The following FANCD2OS variants were observed in gnomAD, a reference collection of about 807,000 sequenced individuals.
The protein encoded by FANCD2OS is FANCD2 opposite strand, also known as FANCD2 opposite strand protein.
FANCD2OS carries 11 observed loss-of-function variants against 13.2 expected under a neutral mutation model. That is an observed-to-expected ratio of 0.83 (90% CI 0.52 to 1.38). The LOEUF is 1.38. FANCD2OS is among the 40% of genes most tolerant of loss of function. The pLI is 0.00. For synonymous variants in FANCD2OS, 69 were observed against 84.5 expected (o/e 0.82, Z 1.01); for missense variants, 217 against 213.9 (o/e 1.01, Z -0.09).
intron 2 of FANCD2OS, chr3:10,087,028 A>T: frequency 8.4e-7 from 1 of 1,190,072 alleles, no homozygotes; most frequent in South Asian, 1.2e-5. Context: ...GATTCTGATT[A>T]GGCCGTCAAA....
chr3:10,100,413 G>A (rs950446846), downstream of FANCD2OS, among the ~76,000 whole-genome samples: 13 of 152,186 alleles, frequency 8.5e-5, no homozygotes, highest in Admixed American at 3.3e-4. Flanking sequence ...TCCCTCTGTC[G>A]CCCAGGCTAG....
At chr3:10,086,329 A>G (rs1368338649) in intron 2 of FANCD2OS, among the ~76,000 whole-genome samples, 1 of 152,222 alleles carries the variant, frequency 6.6e-6, no homozygotes, top group South Asian at 2.1e-4. Flanking sequence ...AGGGGTAGGC[A>G]GTGGACAAGG....
intron 1 of FANCD2OS, among the ~76,000 whole-genome samples, chr3:10,105,770 AATTATAT>A (rs1464239737): frequency 6.6e-5 from 2 of 30,364 alleles, no homozygotes; most frequent in African/African-American, 8.8e-4. Context: ...AAAAAAAAAA[AATTATAT>A]ATATATATAT....
chr3:10,101,591 G>A (rs1176041105), downstream of FANCD2OS: 63 of 370,568 alleles, frequency 1.7e-4, 1 homozygote, highest in South Asian at 1.7e-3. Context: ...TTACCATGTC[G>A]GCCAGATGGT....
chr3:10,100,898 C>T (rs761607026), downstream of FANCD2OS, among the ~76,000 whole-genome samples: 45 of 151,854 alleles, frequency 3.0e-4, no homozygotes, highest in Admixed American at 5.3e-4. Context: ...GGAGAAACCC[C>T]GTCTCTACCA....
rs1360625053 is a variant in FANCD2OS, at chr3:10,095,082, A to G, written c.*43+9116T>C. 6.1e-6 allele frequency: 5 copies of G among 815,918 alleles called. No homozygotes were observed. In the Admixed American group the frequency reaches 1.0e-4, roughly 16 times the overall value. The allele number at this position is 815,918 out of a possible 1,614,324, so 50.5% of individuals were successfully genotyped here. A position where few individuals can be genotyped will look rare whatever the true frequency, so the allele number is the denominator to read the frequency against. ...TGAGAGGCAAATTAAGATGATTATC[A>G]GCATAGGCTGGAAACTGCAGAGTTT... On this transcript the variant is annotated intron_variant, in intron 2 of 2. Transcript: ENST00000524279.
At chr3:10,090,429 C>A (rs2125081770) in intron 2 of FANCD2OS, 251 of 647,724 alleles carry the variant, frequency 3.9e-4, no homozygotes, top group Non-Finnish European at 5.9e-4. Flanking sequence ...CTTTGGATTA[C>A]TTGGAAGTTG....
chr3:10,081,379 G>C, exon 3 of FANCD2OS: 1 of 1,614,074 alleles, frequency 6.2e-7, no homozygotes, highest in Non-Finnish European at 8.5e-7. Context: ...TGTAGTTGAT[G>C]GACCAGGAGT....
At chr3:10,101,377 CTTTTTTTTTTTTTTTTT>C (rs950337384), downstream of FANCD2OS, 20 of 388,516 alleles carry the variant, frequency 5.1e-5, 2 homozygotes, top group African/African-American at 4.7e-4. Flanking sequence ...TTTTGTTCCT[CTTTTTTTTTTTTTTTTT>C]TTTTTTTTAA....
At position 10,105,764 on chromosome 3, in the gene FANCD2OS, AAAAAAAATTATATATATATATAT is replaced by A. The variant is rs1405300933; in HGVS notation, c.-8-1005_-8-983del. Among the ~76,000 whole-genome samples the A allele has an allele frequency of 6.4e-4, 43 of 67,088 alleles. 3 individuals are homozygous for A. The highest frequency in any genetic ancestry group is 2.7e-3 in the African/African-American group (26 of 9,576). 44.0% of individuals were successfully genotyped at this position (67,088 alleles called of 152,430 possible). A position where few individuals can be genotyped will look rare whatever the true frequency, so the allele number is the denominator to read the frequency against. ...AGACTCCATCTAAAAAAAAAAAAAA[AAAAAAAATTATATATATATATAT>A]ATATATATATATATATATATATATA... On this transcript the variant is annotated intron_variant, in intron 1 of 1. Coordinates refer to ENST00000450660, the MANE Select transcript of FANCD2OS (RefSeq NM_001164839.2).
intron 2 of FANCD2OS, chr3:10,087,056 G>A (rs1432137048): frequency 1.3e-6 from 2 of 1,508,758 alleles, no homozygotes; most frequent in Non-Finnish European, 1.8e-6. Flanking sequence ...AGGGACTTGG[G>A]CACGTCATGT....
chr3:10,105,606 C>T (rs140024961), intron 1 of FANCD2OS, among the ~76,000 whole-genome samples: 3 of 150,848 alleles, frequency 2.0e-5, no homozygotes, highest in Non-Finnish European at 4.4e-5. Context: ...AAAAATTAGC[C>T]GGGCGTGGTG....
At chr3:10,108,349 G>C (rs1408792801), upstream of FANCD2OS, 2 of 152,272 alleles carry the variant, frequency 1.3e-5, no homozygotes, top group African/African-American at 4.8e-5. Context: ...AGCCGCGGCG[G>C]GGATGGGGGC....
chr3:10,082,299 A>C (rs1029479799), intron 2 of FANCD2OS, among the ~76,000 whole-genome samples: 1 of 152,132 alleles, frequency 6.6e-6, no homozygotes, highest in African/African-American at 2.4e-5. Flanking sequence ...TAACATCTAG[A>C]TAGCCATCTG....
At chr3:10,095,466 C>G in intron 2 of FANCD2OS, 1 of 607,216 alleles carries the variant, frequency 1.6e-6, no homozygotes. Context: ...ATCTCCGCAT[C>G]TGAAATTTGA....
At chr3:10,101,687 T>G (rs1198327634), downstream of FANCD2OS, 2 of 277,908 alleles carry the variant, frequency 7.2e-6, no homozygotes, top group Non-Finnish European at 1.4e-5. Flanking sequence ...CCAGCCATAT[T>G]TTGTTCTTAA....
chr3:10,101,061 C>T, downstream of FANCD2OS: 1 of 672,340 alleles, frequency 1.5e-6, no homozygotes, highest in Non-Finnish European at 2.6e-6. Flanking sequence ...GAGCAAGACT[C>T]CTTTAAAAAA....
At chr3:10,105,871 T>A (rs1185082526) in intron 1 of FANCD2OS, among the ~76,000 whole-genome samples, 1 of 144,070 alleles carries the variant, frequency 6.9e-6, no homozygotes, top group African/African-American at 2.5e-5. Flanking sequence ...CAGCATCATT[T>A]GGAAACTTGC....
At chr3:10,095,136 G>T in intron 2 of FANCD2OS, 3 of 1,336,662 alleles carry the variant, frequency 2.2e-6, no homozygotes, top group East Asian at 2.3e-5. Flanking sequence ...GATTGCAAGG[G>T]TATCTTGAAT....
Sources: allele counts gnomAD v4.1 joint callset (sites outside exome capture counted in the v4.1 genomes callset), GRCh38; gene constraint gnomAD v4.1.1; transcripts MANE v1.5; gene names NCBI Gene and HGNC (gene_info 2026-07-23, HGNC 2026-07-21).